The following CNTNAP2 variants were observed in gnomAD, a reference collection of about 807,000 sequenced individuals.
CNTNAP2 encodes contactin-associated protein-like 2.
Under a neutral mutation model 155.2 loss-of-function variants are expected in CNTNAP2, and 98 were observed. The observed-to-expected ratio is 0.63, with a 90% CI of 0.54 to 0.75. The LOEUF (loss-of-function observed/expected upper bound fraction) is 0.75. CNTNAP2 is among the 30% of genes least tolerant of loss of function. The probability of loss-of-function intolerance (pLI) is 0.00; values close to 1 mark genes in which losing one functional copy is unlikely to be tolerated. For synonymous variants in CNTNAP2, 651 were observed against 631.2 expected (o/e 1.03, Z -0.47); for missense variants, 1,727 against 1,688.1 (o/e 1.02, Z -0.40).
intron 11 of CNTNAP2, among the ~76,000 whole-genome samples, chr7:147,492,405 G>T (rs1018095991): frequency 3.3e-5 from 5 of 152,086 alleles, no homozygotes; most frequent in Admixed American, 2.6e-4. Context: ...GCTAACTATA[G>T]GAGTTATTCT....
At chr7:147,408,827 G>T (rs1479112282) in intron 10 of CNTNAP2, among the ~76,000 whole-genome samples, 1 of 152,168 alleles carries the variant, frequency 6.6e-6, no homozygotes. Context: ...GCAATACGCA[G>T]CCATTGAGGG....
chr7:148,101,336 A>G (rs928687709), intron 15 of CNTNAP2, among the ~76,000 whole-genome samples: 6 of 145,174 alleles, frequency 4.1e-5, no homozygotes, highest in Admixed American at 3.5e-4. Flanking sequence ...TGGAAGCACA[A>G]AACTAAAAAG....
At chr7:147,868,940 C>T (rs182007775) in intron 13 of CNTNAP2, among the ~76,000 whole-genome samples, 25 of 152,326 alleles carry the variant, frequency 1.6e-4, no homozygotes, top group Non-Finnish European at 2.4e-4. Flanking sequence ...GGTGAGGCAA[C>T]GCCTGCCCTA....
chr7:148,377,034 TCCACTAA>T lies in CNTNAP2; in HGVS notation c.3476-6611_3476-6605del, dbSNP rs1798982595. 4.4e-5 allele frequency among the ~76,000 whole-genome samples: 3 copies of T among 67,972 alleles called. 1 individual carries two copies. The South Asian group carries it at 1.2e-3, about 28-fold the overall frequency. The allele number at this position is 67,972 out of a possible 152,430, so 44.6% of individuals were successfully genotyped here. On this transcript the variant is annotated intron_variant, in intron 21 of 23. Transcript: ENST00000361727. ...TTATGGTTACTTCCCATTGATTTAT[TCCACTAA>T]CCATTTAGACTCCCGTTCATTCACC...
At chr7:146,913,244 C>A (rs370235634) in intron 3 of CNTNAP2, among the ~76,000 whole-genome samples, 1 of 152,096 alleles carries the variant, frequency 6.6e-6, no homozygotes, top group Non-Finnish European at 1.5e-5. Context: ...AGCTGACGTG[C>A]ATGGTATCTG....
At chr7:146,359,537 C>A (rs1390197494) in intron 1 of CNTNAP2, among the ~76,000 whole-genome samples, 2 of 152,208 alleles carry the variant, frequency 1.3e-5, no homozygotes, top group Non-Finnish European at 2.9e-5. Context: ...ATTGCCATGG[C>A]TGATTGCCGC....
intron 1 of CNTNAP2, among the ~76,000 whole-genome samples, chr7:146,447,602 C>G (rs867246862): frequency 2.6e-5 from 4 of 152,044 alleles, no homozygotes; most frequent in Middle Eastern, 3.4e-3. Context: ...ATATGAGAAT[C>G]TTGCAACTGC....
rs139529131 is a variant in CNTNAP2 at position 146,854,669 on chromosome 7, G to A, written c.402+14765G>A. ...GGGATCTACTCACACTTAGTACATAGATACTTAGTATAGCACATAGTATTA... is the reference window on the plus strand; with the variant it reads ...GGGATCTACTCACACTTAGTACATAAATACTTAGTATAGCACATAGTATTA... On this transcript the variant is annotated intron_variant, in intron 3 of 23. Coordinates refer to ENST00000361727, the MANE Select transcript of CNTNAP2 (RefSeq NM_014141.6). Among the ~76,000 whole-genome samples the A allele has an allele frequency of 1.2e-4, 18 of 152,254 alleles. No individual in the cohort carries two copies. In the East Asian group the frequency reaches 3.5e-3, roughly 29 times the overall value.
intron 8 of CNTNAP2, among the ~76,000 whole-genome samples, chr7:147,155,508 T>A (rs887404595): frequency 6.6e-6 from 1 of 152,086 alleles, no homozygotes; most frequent in African/African-American, 2.4e-5. Flanking sequence ...GTACCCAGAC[T>A]TCTGCATAGC....
chr7:146,916,644 T>A (rs1285948299), intron 3 of CNTNAP2, among the ~76,000 whole-genome samples: 3 of 152,168 alleles, frequency 2.0e-5, no homozygotes, highest in Non-Finnish European at 4.4e-5. Context: ...CCTTGAATGA[T>A]CTTTTGTATT....
intron 1 of CNTNAP2, among the ~76,000 whole-genome samples, chr7:146,689,484 G>A (rs1800660730): frequency 6.6e-6 from 1 of 151,976 alleles, no homozygotes; most frequent in South Asian, 2.1e-4. Context: ...TTTTCTCAGT[G>A]GTGTTTGTTC....
chr7:146,515,814 G>A (rs149553077), intron 1 of CNTNAP2, among the ~76,000 whole-genome samples: 371 of 152,114 alleles, frequency 2.4e-3, no homozygotes, highest in African/African-American at 8.4e-3. Flanking sequence ...GGGGGCAATC[G>A]TAGCTGGCTC....
intron 1 of CNTNAP2, among the ~76,000 whole-genome samples, chr7:146,705,830 T>C (rs1379092629): frequency 1.3e-5 from 2 of 152,048 alleles, no homozygotes; most frequent in African/African-American, 2.4e-5. Flanking sequence ...ACTTGACACA[T>C]AGGGATTATT....
At chr7:146,932,430 T>G (rs576774548) in intron 3 of CNTNAP2, among the ~76,000 whole-genome samples, 1 of 151,022 alleles carries the variant, frequency 6.6e-6, no homozygotes, top group South Asian at 2.1e-4. Context: ...ATTGATGGGA[T>G]GTATGGCAAA....
chr7:147,295,236 C>T (rs567864438), intron 8 of CNTNAP2, among the ~76,000 whole-genome samples: 55 of 151,100 alleles, frequency 3.6e-4, no homozygotes, highest in Non-Finnish European at 5.3e-4. Flanking sequence ...AGTGTGTGTG[C>T]GCATGCGTGT....
chr7:148,069,062 T>C (rs1017810273), intron 15 of CNTNAP2, among the ~76,000 whole-genome samples: 2 of 152,198 alleles, frequency 1.3e-5, no homozygotes, highest in Non-Finnish European at 2.9e-5. Flanking sequence ...GCTGAAGCAA[T>C]TGTGGGGTTC....
chr7:148,214,950 T>C (rs73170543), intron 18 of CNTNAP2, among the ~76,000 whole-genome samples: 21,842 of 152,186 alleles, frequency 0.14, 1,742 homozygotes, highest in East Asian at 0.29. Flanking sequence ...CTAAATTTCA[T>C]TGGTATCCCA....
intron 11 of CNTNAP2, among the ~76,000 whole-genome samples, chr7:147,559,865 TAAA>T (rs57030720): frequency 3.1e-4 from 44 of 140,592 alleles, no homozygotes; most frequent in Non-Finnish European, 3.4e-4. Context: ...TTGCCGATCT[TAAA>T]AAAAAAAAAA....
At chr7:146,362,234 G>T (rs1795092079) in intron 1 of CNTNAP2, among the ~76,000 whole-genome samples, 3 of 152,162 alleles carry the variant, frequency 2.0e-5, no homozygotes, top group Admixed American at 2.0e-4. Flanking sequence ...GCACTACACG[G>T]TGAAAACAAA....
Sources: allele counts gnomAD v4.1 joint callset (sites outside exome capture counted in the v4.1 genomes callset), GRCh38; gene constraint gnomAD v4.1.1; transcripts MANE v1.5; gene names NCBI Gene and HGNC (gene_info 2026-07-23, HGNC 2026-07-21).